NFIB: variants seen among roughly 807,000 people sequenced by gnomAD.
NFIB encodes the protein nuclear factor I B, also known as nuclear factor 1 B-type.
In NFIB, 11 loss-of-function variants were observed where a neutral mutation model predicts 61.5. The observed-to-expected ratio is 0.18, with a 90% confidence interval of 0.11 to 0.30. NFIB has a LOEUF of 0.30. Ranked by LOEUF, NFIB falls within the 10% of genes least tolerant of loss-of-function variation. NFIB has a pLI of 1.00. For synonymous variants in NFIB, 260 were observed against 216.5 expected, an observed-to-expected ratio of 1.20 and a Z score of -1.76; for missense variants, 471 against 608.9, an observed-to-expected ratio of 0.77 and a Z score of 2.38.
chr9:14,262,949 A>G (rs1253236922), intron 2 of NFIB, among the ~76,000 whole-genome samples: 1 of 152,156 alleles, frequency 6.6e-6, no homozygotes, highest in Non-Finnish European at 1.5e-5. Context: ...GTCGACATAA[A>G]TCCCTTGAAC....
At chr9:14,116,449 C>G (rs994293274) in intron 8 of NFIB, 103 bp from the exon 9 acceptor site, 1 of 1,206,468 alleles carries the variant, frequency 8.3e-7, no homozygotes, top group East Asian at 3.0e-5. Flanking sequence ...CAGCACACTG[C>G]GCATAGGCGC....
the NFIB span, among the ~76,000 whole-genome samples, chr9:14,499,169 A>AT: frequency 2.0e-5 from 3 of 151,944 alleles, no homozygotes; most frequent in African/African-American, 2.4e-5. Context: ...GCAAATATAT[A>AT]TTTTTTTCTT....
the NFIB span, among the ~76,000 whole-genome samples, chr9:14,477,011 A>AAT: frequency 6.6e-6 from 1 of 152,240 alleles, no homozygotes. Context: ...TAAATACCAG[A>AAT]ATATATATGA....
the NFIB span, among the ~76,000 whole-genome samples, chr9:14,520,312 A>G: frequency 6.6e-6 from 1 of 152,182 alleles, no homozygotes; most frequent in Non-Finnish European, 1.5e-5. Flanking sequence ...GACCTTATTT[A>G]CAAAATAAGG....
the NFIB span, among the ~76,000 whole-genome samples, chr9:14,448,992 G>A: frequency 1.3e-5 from 2 of 152,140 alleles, no homozygotes; most frequent in Non-Finnish European, 2.9e-5. Context: ...AGAGCACTAT[G>A]AGACAGTGAA....
At chr9:14,314,230 G>T, upstream of NFIB, 1 of 650,028 alleles carries the variant, frequency 1.5e-6, no homozygotes, top group Non-Finnish European at 1.9e-6. Context: ...GAGGGAGGGG[G>T]CGCGAGCGCT....
chr9:14,181,888 G>T (rs191834946), intron 2 of NFIB, among the ~76,000 whole-genome samples: 2 of 152,126 alleles, frequency 1.3e-5, no homozygotes, highest in African/African-American at 4.8e-5. Flanking sequence ...TGCAGCAGTC[G>T]CCTTATTTCA....
At chr9:14,346,110 A>AGGGGGGCGCGCCGCGGGCGC (rs1370045452) in intron 1 of NFIB, among the ~76,000 whole-genome samples, 1 of 152,024 alleles carries the variant, frequency 6.6e-6, no homozygotes. Flanking sequence ...AGCCACGGGA[A>AGGGGGGCGCGCCGCGGGCGC]GGGGGGCGCG....
chr9:14,308,499 T>C (rs903883071), intron 1 of NFIB, among the ~76,000 whole-genome samples: 5 of 152,224 alleles, frequency 3.3e-5, no homozygotes, highest in African/African-American at 1.2e-4. Flanking sequence ...CACATGAGTA[T>C]AGCAATTATT....
chr9:14,116,493 C>T, intron 8 of NFIB, 147 bp from the exon 9 acceptor site: 1 of 735,748 alleles, frequency 1.4e-6, no homozygotes, highest in East Asian at 3.3e-5. Context: ...GTCGGAGAGG[C>T]CAGTCAATGG....
the NFIB span, among the ~76,000 whole-genome samples, chr9:14,490,448 G>A: frequency 1.3e-5 from 2 of 152,030 alleles, no homozygotes; most frequent in Non-Finnish European, 2.9e-5. Context: ...TAGCCATAAA[G>A]GAAAAGATTA....
intron 2 of NFIB, among the ~76,000 whole-genome samples, chr9:14,268,881 G>C (rs2057405992): frequency 6.6e-6 from 1 of 152,184 alleles, no homozygotes; most frequent in South Asian, 2.1e-4. Flanking sequence ...GTACTAAAGA[G>C]ATATTGATGG....
At chr9:14,505,410 A>G in the NFIB span, among the ~76,000 whole-genome samples, 7 of 152,260 alleles carry the variant, frequency 4.6e-5, no homozygotes, top group African/African-American at 1.4e-4. Flanking sequence ...ACATTTAATG[A>G]AGCTTGAGCT....
chr9:14,237,786 G>A (rs1450016924), intron 2 of NFIB, among the ~76,000 whole-genome samples: 6 of 106,074 alleles, frequency 5.7e-5, no homozygotes, highest in Non-Finnish European at 1.2e-4. Context: ...GTGTGTGTGT[G>A]TGTGTGTGTG....
At chr9:14,225,472 AAAAAAAAAGAAG>A (rs2052267470) in intron 2 of NFIB, among the ~76,000 whole-genome samples, 1 of 142,980 alleles carries the variant, frequency 7.0e-6, no homozygotes, top group African/African-American at 2.8e-5. Flanking sequence ...AAAAAAAAAA[AAAAAAAAAGAAG>A]AAGAAGAAAA....
intron 1 of NFIB, chr9:14,361,691 T>C (rs1311140722): frequency 6.6e-6 from 1 of 152,240 alleles, no homozygotes; most frequent in African/African-American, 2.4e-5. Flanking sequence ...ATTAGGATCA[T>C]TCAATATGAA....
At chr9:14,182,052 A>G (rs1303830690) in intron 2 of NFIB, among the ~76,000 whole-genome samples, 2 of 152,244 alleles carry the variant, frequency 1.3e-5, no homozygotes, top group Non-Finnish European at 2.9e-5. Context: ...CTATCCAGCT[A>G]GAACAATGGC....
At chr9:14,380,658 C>G (rs970614296) in intron 1 of NFIB, among the ~76,000 whole-genome samples, 1 of 152,076 alleles carries the variant, frequency 6.6e-6, no homozygotes, top group African/African-American at 2.4e-5. Context: ...CTGGACACCC[C>G]CCGCCTCTAT....
intron 3 of NFIB, among the ~76,000 whole-genome samples, chr9:14,177,084 A>G (rs2046273413): frequency 1.3e-5 from 2 of 152,196 alleles, no homozygotes; most frequent in Non-Finnish European, 2.9e-5. Flanking sequence ...TGTATTTGGT[A>G]TAACAATTCA....
Sources: allele counts gnomAD v4.1 joint callset (sites outside exome capture counted in the v4.1 genomes callset), GRCh38; gene constraint gnomAD v4.1.1; transcripts MANE v1.5; gene names NCBI Gene and HGNC (gene_info 2026-07-23, HGNC 2026-07-21).